Variants in OXR1 observed in about 807,000 individuals in gnomAD.
OXR1 encodes the protein oxidation resistance protein 1.
OXR1 carries 41 observed loss-of-function variants against 104.6 expected under a neutral mutation model. The ratio of observed to expected loss-of-function variants is 0.39; its 90% CI spans 0.31 to 0.51. The LOEUF (loss-of-function observed/expected upper bound fraction) is 0.51, where lower values mean the gene tolerates loss of function less well. Among genes scored for constraint, OXR1 ranks in the 20% least tolerant of loss-of-function variants. The pLI is 0.77. For synonymous variants in OXR1, 348 were observed against 348.4 expected (o/e 1.00, Z 0.01); for missense variants, 955 against 1,031.9 (o/e 0.93, Z 1.02).
At chr8:106,564,504 C>CA (rs542847540) in intron 3 of OXR1, among the ~76,000 whole-genome samples, 538 of 151,680 alleles carry the variant, frequency 3.5e-3, no homozygotes, top group Non-Finnish European at 6.4e-3. Flanking sequence ...GCCTACCAAC[C>CA]AAAAAAAACC....
In OXR1 at chr8:106,396,846, C is replaced by G. The variant is rs558018248; in HGVS notation, c.23+37210C>G. ...TAGGAGAAACTAGATGAAGGGTACACAGAAACTCTCTATACTGTATTTGAA... is the reference window on the plus strand; with the variant it reads ...TAGGAGAAACTAGATGAAGGGTACAGAGAAACTCTCTATACTGTATTTGAA... On this transcript the variant is annotated intron_variant, in intron 2 of 16. Transcript: ENST00000517566. Among the ~76,000 whole-genome samples the G allele has an allele frequency of 1.2e-4, 19 of 152,130 alleles. No homozygotes were observed. In the South Asian group the frequency reaches 3.5e-3, roughly 28 times the overall value.
chr8:106,321,337 T>C (rs942535734), intron 1 of OXR1, among the ~76,000 whole-genome samples: 1 of 152,204 alleles, frequency 6.6e-6, no homozygotes, highest in African/African-American at 2.4e-5. Flanking sequence ...GATTTTATAC[T>C]ACAACTAATG....
chr8:106,680,576 A>G lies in OXR1; in HGVS notation c.303+1284A>G, dbSNP rs544473647. ...ATCATTATGCTTTGTTGACCTTGCT[A>G]TTATTTTGATTGTATCTTCTGTCTG... On this transcript the variant is annotated intron_variant, in intron 4 of 16. Transcript: ENST00000517566. Among the ~76,000 whole-genome samples the G allele has an allele frequency of 2.0e-5, 3 of 152,156 alleles. No homozygotes were observed. In the South Asian group the frequency reaches 6.2e-4, roughly 32 times the overall value.
chr8:106,603,878 C>T (rs750379052), intron 3 of OXR1, among the ~76,000 whole-genome samples: 13 of 151,858 alleles, frequency 8.6e-5, no homozygotes, highest in Non-Finnish European at 1.6e-4. Context: ...CATGGTGAAA[C>T]CCCCTCTCTA....
chr8:106,624,929 C>T (rs1296575674), intron 3 of OXR1, among the ~76,000 whole-genome samples: 1 of 152,032 alleles, frequency 6.6e-6, no homozygotes, highest in East Asian at 1.9e-4. Context: ...GGAGCTGGGA[C>T]TTCAGGCATG....
At chr8:106,704,207 G>A (rs1830879819) in intron 8 of OXR1, among the ~76,000 whole-genome samples, 1 of 151,926 alleles carries the variant, frequency 6.6e-6, no homozygotes, top group Non-Finnish European at 1.5e-5. Flanking sequence ...ATCATCCAAG[G>A]CCAGTTTCAG....
At chr8:106,718,953 A>T (rs1587227625) in intron 11 of OXR1, among the ~76,000 whole-genome samples, 1 of 152,124 alleles carries the variant, frequency 6.6e-6, no homozygotes, top group Non-Finnish European at 1.5e-5. Flanking sequence ...ACCTTTCTTC[A>T]TAGTGAACCA....
At chr8:106,302,746 TTTTG>T (rs934408915) in intron 1 of OXR1, among the ~76,000 whole-genome samples, 8 of 152,066 alleles carry the variant, frequency 5.3e-5, no homozygotes, top group South Asian at 2.1e-4. Flanking sequence ...GTTTGGGTTT[TTTTG>T]TTTGTTTGTT....
chr8:106,362,947 G>T (rs981267854), intron 2 of OXR1, among the ~76,000 whole-genome samples: 1 of 152,164 alleles, frequency 6.6e-6, no homozygotes, highest in Non-Finnish European at 1.5e-5. Context: ...CCTAGTGAAG[G>T]CTCAACTGAT....
chr8:106,676,161 T>C (rs1587050165), intron 3 of OXR1, among the ~76,000 whole-genome samples: 1 of 152,164 alleles, frequency 6.6e-6, no homozygotes, highest in South Asian at 2.1e-4. Flanking sequence ...TCCATTTGAT[T>C]GGCGGATTTT....
At chr8:106,305,181 T>C (rs1813419672) in intron 1 of OXR1, among the ~76,000 whole-genome samples, 1 of 152,168 alleles carries the variant, frequency 6.6e-6, no homozygotes, top group Admixed American at 6.5e-5. Context: ...GCCCATGCAC[T>C]CCATCAATGA....
chr8:106,432,073 T>C (rs930225491), intron 2 of OXR1, among the ~76,000 whole-genome samples: 1 of 152,236 alleles, frequency 6.6e-6, no homozygotes, highest in African/African-American at 2.4e-5. Flanking sequence ...ATAATATATC[T>C]ACTTGGCTCT....
At chr8:106,512,839 G>T (rs147667709) in intron 2 of OXR1, among the ~76,000 whole-genome samples, 1 of 152,174 alleles carries the variant, frequency 6.6e-6, no homozygotes, top group East Asian at 1.9e-4. Flanking sequence ...ATAAATAATG[G>T]TTTATAAGGG....
chr8:106,403,994 G>A (rs750916908), intron 2 of OXR1, among the ~76,000 whole-genome samples: 1 of 152,160 alleles, frequency 6.6e-6, no homozygotes, highest in African/African-American at 2.4e-5. Context: ...ATCTAGCATT[G>A]TCTTGCATGT....
rs73294477 is a variant in OXR1, at chr8:106,730,836, G to A, written c.1957-6684G>A. 6.7e-3 allele frequency among the ~76,000 whole-genome samples: 1,025 copies of A among 152,018 alleles called. 13 individuals are homozygous for A. Among genetic ancestry groups the A allele is most frequent in the African/African-American group, 0.024 (987 of 41,466 alleles). ...TCAACACTTTAGGAGGCTGAAGTGG[G>A]AGGAGTTTGCGATCAGCCAGGGCAA... On this transcript the variant is annotated intron_variant, in intron 11 of 16. Coordinates refer to ENST00000517566, the MANE Select transcript of OXR1 (RefSeq NM_001198533.2).
At chr8:106,427,533 C>T (rs192680661) in intron 2 of OXR1, among the ~76,000 whole-genome samples, 9 of 152,248 alleles carry the variant, frequency 5.9e-5, no homozygotes, top group Non-Finnish European at 8.8e-5. Flanking sequence ...TGTACATTGT[C>T]GTCACTGTAT....
chr8:106,693,461 C>T lies in OXR1; in HGVS notation c.675+584C>T, dbSNP rs187150424. Among the ~76,000 whole-genome samples, 193 of 129,844 alleles carry T rather than the reference C, an allele frequency of 1.5e-3. 2 individuals carry two copies. Among genetic ancestry groups the T allele is most frequent in the Non-Finnish European group, 1.1e-3 (69 of 63,872 alleles). 85.2% of individuals were successfully genotyped at this position (129,844 alleles called of 152,430 possible). On this transcript the variant is annotated intron_variant, in intron 7 of 16. Transcript: ENST00000517566. ...TTTTTTTTTTTGAGATGAAGTTTCG[C>T]TCTTATCAGCCAGGCTGGAGTGCAA... is the stretch of plus-strand genomic sequence containing the variant.
At chr8:106,628,788 A>G (rs1054818989) in intron 3 of OXR1, among the ~76,000 whole-genome samples, 1 of 152,074 alleles carries the variant, frequency 6.6e-6, no homozygotes, top group African/African-American at 2.4e-5. Context: ...TTGGCACTTC[A>G]CGTATGCAGC....
chr8:106,451,551 T>A (rs775854125), intron 2 of OXR1, among the ~76,000 whole-genome samples: 1 of 152,176 alleles, frequency 6.6e-6, no homozygotes, highest in Non-Finnish European at 1.5e-5. Context: ...TAATTTAGAA[T>A]AACAGGAAAT....
Sources: gnomAD v4.1 joint callset for allele counts (sites outside exome capture counted in the v4.1 genomes callset) on GRCh38, gnomAD v4.1.1 for gene constraint, MANE v1.5 for transcripts, NCBI Gene and HGNC (gene_info 2026-07-23, HGNC 2026-07-21) for gene names.